The following ZNG1A variants were observed in gnomAD, a reference collection of about 807,000 sequenced individuals.
ZNG1A encodes zinc-regulated GTPase metalloprotein activator 1A.
the ZNG1A span, among the ~76,000 whole-genome samples, chr9:138,262 T>C: frequency 6.6e-6 from 1 of 151,352 alleles, no homozygotes; most frequent in Non-Finnish European, 1.5e-5. Context: ...AGACAACTTC[T>C]TGAATAACTG....
the ZNG1A span, among the ~76,000 whole-genome samples, chr9:178,297 C>CA: frequency 4.5e-4 from 67 of 150,030 alleles, 1 homozygote; most frequent in Middle Eastern, 6.8e-3. Flanking sequence ...AAACAGACCT[C>CA]AAAAAAAAAG....
chr9:135,996 G>C, the ZNG1A span, among the ~76,000 whole-genome samples: 1 of 63,912 alleles, frequency 1.6e-5, no homozygotes. Flanking sequence ...AGTGTATGTA[G>C]AATGAGATTA....
chr9:164,062 A>C, the ZNG1A span: 1 of 1,559,498 alleles, frequency 6.4e-7, no homozygotes, highest in Non-Finnish European at 8.6e-7. Context: ...TATTCATCAA[A>C]TAAAAATATT....
At chr9:127,202 C>T in the ZNG1A span, among the ~76,000 whole-genome samples, 1 of 151,938 alleles carries the variant, frequency 6.6e-6, no homozygotes, top group African/African-American at 2.4e-5. Flanking sequence ...TCCATTTGTT[C>T]CAAGGTATAG....
At chr9:163,868 G>C in the ZNG1A span, 19 of 1,089,296 alleles carry the variant, frequency 1.7e-5, no homozygotes, top group Non-Finnish European at 2.4e-5. Context: ...AGTGAGCCGA[G>C]ATCATGCCAC....
At chr9:127,600 A>G in the ZNG1A span, among the ~76,000 whole-genome samples, 1 of 152,170 alleles carries the variant, frequency 6.6e-6, no homozygotes, top group Non-Finnish European at 1.5e-5. Flanking sequence ...CTTGAAGGCA[A>G]CAGATAGTTG....
At chr9:163,095 C>A in the ZNG1A span, among the ~76,000 whole-genome samples, 89 of 151,286 alleles carry the variant, frequency 5.9e-4, no homozygotes, top group Non-Finnish European at 9.0e-4. Context: ...TATATTAGAG[C>A]TCAATGATGG....
the ZNG1A span, among the ~76,000 whole-genome samples, chr9:139,701 G>C: frequency 2.6e-5 from 4 of 151,806 alleles, no homozygotes; most frequent in South Asian, 8.3e-4. Flanking sequence ...ACAGCTCCCA[G>C]CGTGAGAGAC....
the ZNG1A span, among the ~76,000 whole-genome samples, chr9:157,991 A>G: frequency 6.7e-6 from 1 of 150,056 alleles, no homozygotes; most frequent in African/African-American, 2.5e-5. Flanking sequence ...TACTTCAGGC[A>G]AAATCTTGTT....
At chr9:154,809 CAG>C in the ZNG1A span, 2 of 1,469,886 alleles carry the variant, frequency 1.4e-6, no homozygotes, top group South Asian at 1.2e-5. Flanking sequence ...AAATAGCAAA[CAG>C]AGAAATGTTA....
At chr9:157,311 T>C in the ZNG1A span, among the ~76,000 whole-genome samples, 2 of 147,768 alleles carry the variant, frequency 1.4e-5, no homozygotes, top group African/African-American at 5.0e-5. Context: ...CCCCTCATAA[T>C]CCTGTTTACA....
chr9:174,824 C>G, the ZNG1A span, among the ~76,000 whole-genome samples: 1 of 150,748 alleles, frequency 6.6e-6, no homozygotes, highest in African/African-American at 2.5e-5. Context: ...ATAAAGATAA[C>G]AGAAGTATTG....
chr9:123,093 AG>A, the ZNG1A span: 3 of 1,520,536 alleles, frequency 2.0e-6, no homozygotes, highest in African/African-American at 4.6e-5. Context: ...AAAATAATAA[AG>A]AAAAATGAAA....
the ZNG1A span, among the ~76,000 whole-genome samples, chr9:176,539 G>A: frequency 1.3e-5 from 2 of 151,920 alleles, no homozygotes; most frequent in Non-Finnish European, 2.9e-5. Flanking sequence ...CCTATAACTA[G>A]GAAGATTTTA....
At chr9:127,774 T>A in the ZNG1A span, among the ~76,000 whole-genome samples, 5 of 152,228 alleles carry the variant, frequency 3.3e-5, no homozygotes, top group African/African-American at 1.2e-4. Context: ...TTTCTAATTG[T>A]ATTTTTGTTT....
the ZNG1A span, chr9:146,220 A>T: frequency 3.8e-6 from 6 of 1,583,562 alleles, no homozygotes; most frequent in Non-Finnish European, 5.1e-6. Context: ...CAGTTAATCA[A>T]GAAAAAAAAC....
chr9:159,381 A>G, the ZNG1A span, among the ~76,000 whole-genome samples: 1 of 151,054 alleles, frequency 6.6e-6, no homozygotes, highest in Non-Finnish European at 1.5e-5. Context: ...TGATGACTGT[A>G]GTTAATTCTA....
the ZNG1A span, chr9:122,592 T>TGA: frequency 9.8e-7 from 1 of 1,019,094 alleles, no homozygotes; most frequent in Non-Finnish European, 1.2e-6. Flanking sequence ...CATTGTGTAT[T>TGA]GATTTGCAGA....
chr9:138,661 G>C, the ZNG1A span, among the ~76,000 whole-genome samples: 1 of 144,914 alleles, frequency 6.9e-6, no homozygotes, highest in African/African-American at 2.7e-5. Flanking sequence ...CACTTTGGGA[G>C]GCTGAGGCAT....
Sources: allele counts gnomAD v4.1 joint callset (sites outside exome capture counted in the v4.1 genomes callset), GRCh38; gene constraint gnomAD v4.1.1; transcripts MANE v1.5; gene names NCBI Gene and HGNC (gene_info 2026-07-23, HGNC 2026-07-21).